The following ACSS3 variants were observed in gnomAD, a reference collection of about 807,000 sequenced individuals.
ACSS3 encodes the protein acyl-CoA synthetase short-chain family member 3, mitochondrial.
A neutral mutation model predicts 84.2 loss-of-function variants in ACSS3; 64 were observed. The ratio of observed to expected loss-of-function variants is 0.76; its 90% CI spans 0.62 to 0.94. ACSS3 has a LOEUF of 0.94. Ranked by LOEUF, ACSS3 falls within the 40% of genes least tolerant of loss-of-function variation. The pLI is 0.00. For missense variants in ACSS3, 815 were observed against 867.6 expected (o/e 0.94, Z 0.76); for synonymous variants, 317 against 310.1 (o/e 1.02, Z -0.23).
Position 81,139,177 on chromosome 12 carries a change from G to A in ACSS3, c.692G>A (p.Arg231Lys), listed in dbSNP as rs1885957312. 1.2e-6 allele frequency: 2 copies of A among 1,613,812 alleles called. No homozygotes were observed. Among genetic ancestry groups the A allele is most frequent in the East Asian group, 2.2e-5 (1 of 44,832 alleles). Residue 231 changes from arginine (R) to lysine (K), a missense_variant, in exon 4 of 16, where the codon AGG (arginine) becomes AAG (lysine). By Grantham distance (26) the Arg-to-Lys change is conservative (BLOSUM62 2). Transcript: ENST00000548058. ...TCATTTGGCATTGAACCTGGAAGGA[G>A]GGTAGAGTACGTACCACTTGTAGAA... is the stretch of plus-strand genomic sequence containing the variant. The part of the protein sequence containing the change: ...TASFGIEPGR[R>K]VEYVPLVEEA...
intron 3 of ACSS3, among the ~76,000 whole-genome samples, 181 bp downstream of exon 3, chr12:81,135,185 T>C (rs184544078): frequency 8.8e-4 from 133 of 150,730 alleles, no homozygotes; most frequent in African/African-American, 3.1e-3. Flanking sequence ...TACATGCATA[T>C]GTTTATTGCA....
chr12:81,080,951 G>T (rs1880930668), intron 1 of ACSS3, among the ~76,000 whole-genome samples: 1 of 152,178 alleles, frequency 6.6e-6, no homozygotes, highest in Non-Finnish European at 1.5e-5. Flanking sequence ...GGAGAAGGGA[G>T]ATATTGACAG....
At chr12:81,177,505 C>T (rs1451901615) in intron 8 of ACSS3, among the ~76,000 whole-genome samples, 6 of 152,092 alleles carry the variant, frequency 3.9e-5, no homozygotes, top group East Asian at 1.9e-4. Context: ...GCAAAAGAAA[C>T]TACCATCACA....
intron 1 of ACSS3, among the ~76,000 whole-genome samples, chr12:81,107,063 T>TG (rs1161663547): frequency 6.6e-6 from 1 of 151,986 alleles, no homozygotes; most frequent in Non-Finnish European, 1.5e-5. Context: ...TAAGTAGAGA[T>TG]GTCCTGCAGA....
intron 9 of ACSS3, among the ~76,000 whole-genome samples, chr12:81,205,358 T>C (rs1175829123): frequency 6.6e-6 from 1 of 152,132 alleles, no homozygotes; most frequent in African/African-American, 2.4e-5. Context: ...GGCAAGACTT[T>C]TAACTACAAA....
At chr12:81,129,456 GA>G (rs377510571) in intron 2 of ACSS3, among the ~76,000 whole-genome samples, 28 of 152,222 alleles carry the variant, frequency 1.8e-4, no homozygotes, top group African/African-American at 6.7e-4. Context: ...GGTGCTGCTA[GA>G]CTTCACAATT....
intron 13 of ACSS3, among the ~76,000 whole-genome samples, chr12:81,237,881 G>C (rs1458686594): frequency 6.6e-6 from 1 of 151,534 alleles, no homozygotes; most frequent in African/African-American, 2.4e-5. Flanking sequence ...TGTTGCACTA[G>C]CCAGTATGAT....
intron 3 of ACSS3, 78 bp from the exon 4 acceptor site, chr12:81,139,053 C>A: frequency 7.0e-7 from 1 of 1,432,456 alleles, no homozygotes; most frequent in South Asian, 1.2e-5. Context: ...GTTGAATTGC[C>A]AGTCTGCAAC....
At position 81,213,920 on chromosome 12, in the gene ACSS3, C is replaced by T. The variant is rs7300791; in HGVS notation, c.1355-2981C>T. Among the ~76,000 whole-genome samples the T allele has an allele frequency of 9.5e-4, 90 of 94,704 alleles. 4 individuals are homozygous for T. Among genetic ancestry groups the T allele is most frequent in the Non-Finnish European group, 1.6e-3 (79 of 48,530 alleles). The allele number at this position is 94,704 out of a possible 152,430, so 62.1% of individuals were successfully genotyped here. A position where few individuals can be genotyped will look rare whatever the true frequency, so the allele number is the denominator to read the frequency against. Reference sequence around the variant, plus strand: ...TTCTTTTGTCCTTCCTTCCTTCCTTCCTTCCTTCCTTCCTTTCTCTCTCTC... The same window carrying T: ...TTCTTTTGTCCTTCCTTCCTTCCTTTCTTCCTTCCTTCCTTTCTCTCTCTC... On this transcript the variant is annotated intron_variant, in intron 9 of 15. Transcript: ENST00000548058.
At chr12:81,148,130 G>T (rs1422919333) in intron 5 of ACSS3, among the ~76,000 whole-genome samples, 2 of 150,796 alleles carry the variant, frequency 1.3e-5, no homozygotes, top group Non-Finnish European at 3.0e-5. Context: ...AGTATTTTGG[G>T]ATTTGCCTGT....
At chr12:81,250,442 A>G (rs1363861783) in intron 13 of ACSS3, among the ~76,000 whole-genome samples, 1 of 152,114 alleles carries the variant, frequency 6.6e-6, no homozygotes, top group East Asian at 1.9e-4. Context: ...ATATTATATT[A>G]TAGGAAATGT....
At chr12:81,177,615 A>C (rs2030585678) in intron 8 of ACSS3, among the ~76,000 whole-genome samples, 2 of 152,152 alleles carry the variant, frequency 1.3e-5, no homozygotes, top group African/African-American at 4.8e-5. Context: ...ACAAATTTAC[A>C]AGAAAAAAAC....
At chr12:81,188,171 A>C (rs890476921) in intron 8 of ACSS3, among the ~76,000 whole-genome samples, 1 of 151,998 alleles carries the variant, frequency 6.6e-6, no homozygotes, top group African/African-American at 2.4e-5. Flanking sequence ...CAAACCTTAA[A>C]ATTTAAAGAT....
intron 13 of ACSS3, among the ~76,000 whole-genome samples, chr12:81,235,823 A>G (rs2033614265): frequency 6.6e-6 from 1 of 151,484 alleles, no homozygotes; most frequent in Admixed American, 6.6e-5. Flanking sequence ...CTGATATGTA[A>G]CCTATGATCT....
chr12:81,143,405 C>A, intron 5 of ACSS3, 158 bp downstream of exon 5: 3 of 653,320 alleles, frequency 4.6e-6, no homozygotes, highest in Non-Finnish European at 6.9e-6. Context: ...GTCTGGAGTG[C>A]AGTGGCGTGA....
At chr12:81,105,894 T>C (rs1473898663) in intron 1 of ACSS3, among the ~76,000 whole-genome samples, 1 of 152,184 alleles carries the variant, frequency 6.6e-6, no homozygotes, top group African/African-American at 2.4e-5. Flanking sequence ...CATACACAGG[T>C]ACACAGGGCT....
intron 5 of ACSS3, 113 bp downstream of exon 5, chr12:81,143,360 A>G: frequency 8.4e-7 from 1 of 1,183,930 alleles, no homozygotes; most frequent in African/African-American, 1.5e-5. Context: ...TTAGAGAGTT[A>G]CTTCATTTGC....
chr12:81,174,162 TG>T (rs1318587137), intron 7 of ACSS3, among the ~76,000 whole-genome samples: 10 of 152,338 alleles, frequency 6.6e-5, no homozygotes, highest in African/African-American at 2.4e-4. Flanking sequence ...AACCTTTCTT[TG>T]TCTTTTGAAT....
intron 2 of ACSS3, among the ~76,000 whole-genome samples, chr12:81,128,515 T>C (rs1885265631): frequency 6.6e-6 from 1 of 152,206 alleles, no homozygotes; most frequent in Non-Finnish European, 1.5e-5. Context: ...TTGCCCTTGA[T>C]GTCAGACTGA....
Sources: gnomAD v4.1 joint callset for allele counts (sites outside exome capture counted in the v4.1 genomes callset) on GRCh38, gnomAD v4.1.1 for gene constraint, MANE v1.5 for transcripts, NCBI Gene and HGNC (gene_info 2026-07-23, HGNC 2026-07-21) for gene names.